Variants in SCP2 observed in about 807,000 individuals in gnomAD.
The protein encoded by SCP2 is sterol carrier protein 2.
In SCP2, 48 loss-of-function variants were observed where a neutral mutation model predicts 71.4. The ratio of observed to expected loss-of-function variants is 0.67; its 90% confidence interval spans 0.53 to 0.86. SCP2 has a LOEUF of 0.86. Ranked by LOEUF, SCP2 falls within the 40% of genes least tolerant of loss-of-function variation. SCP2 has a pLI of 0.00. For synonymous variants in SCP2, 220 were observed against 218.1 expected, an observed-to-expected ratio of 1.01 and a Z score of -0.08; for missense variants, 560 against 655.6, an observed-to-expected ratio of 0.85 and a Z score of 1.59.
chr1:53,039,182 A>T lies in SCP2; in HGVS notation c.1468+136A>T. On this transcript the variant is annotated intron_variant, in intron 14 of 15. Transcript: ENST00000371514. ...TTAAAGAACCAGTAAATTCCAGGGAACAGGAACAGGTCAAAGCCACCTCCT... is the reference window on the plus strand; with the variant it reads ...TTAAAGAACCAGTAAATTCCAGGGATCAGGAACAGGTCAAAGCCACCTCCT... The T allele has an allele frequency of 2.7e-6, 3 of 1,102,302 alleles. No individual in the cohort carries two copies. In the Admixed American group the frequency reaches 6.0e-5, roughly 22 times the overall value. 68.3% of individuals were successfully genotyped at this position (1,102,302 alleles called of 1,614,324 possible).
At chr1:52,989,672 A>C (rs1280685861) in intron 11 of SCP2, among the ~76,000 whole-genome samples, 1 of 152,202 alleles carries the variant, frequency 6.6e-6, no homozygotes, top group Non-Finnish European at 1.5e-5. Flanking sequence ...AAACTCACCC[A>C]GTGCAAAGAG....
intron 5 of SCP2, among the ~76,000 whole-genome samples, chr1:52,956,870 AAT>A (rs1216600097): frequency 6.6e-6 from 1 of 151,340 alleles, no homozygotes; most frequent in South Asian, 2.1e-4. Flanking sequence ...ATTAAAAAGA[AAT>A]ATATATAAAT....
chr1:53,007,009 C>T (rs559971047), intron 11 of SCP2, among the ~76,000 whole-genome samples: 7 of 152,080 alleles, frequency 4.6e-5, no homozygotes, highest in South Asian at 2.1e-4. Context: ...GACTTTAAAC[C>T]GACAAAGATC....
intron 12 of SCP2, among the ~76,000 whole-genome samples, chr1:53,023,086 T>C (rs1661865350): frequency 6.6e-6 from 1 of 152,220 alleles, no homozygotes; most frequent in Non-Finnish European, 1.5e-5. Flanking sequence ...TAAGTTGATA[T>C]ATTCAGTTTT....
intron 11 of SCP2, among the ~76,000 whole-genome samples, chr1:52,989,998 A>G (rs561413344): frequency 4.1e-4 from 63 of 152,340 alleles, no homozygotes; most frequent in Admixed American, 2.7e-3. Flanking sequence ...TGCCTGGCTG[A>G]GTACCACATT....
Position 52,987,789 on chromosome 1 carries a change from C to T in SCP2, c.974-240C>T, listed in dbSNP as rs140425026. On this transcript the variant is annotated intron_variant, in intron 10 of 15. Coordinates refer to ENST00000371514, the MANE Select transcript of SCP2 (RefSeq NM_002979.5). ...CTCTGAATCTCTACCATATTTAGAG[C>T]AATTTTGGAAGTCAGAGAGCTCTAA... Among the ~76,000 whole-genome samples, 66 of 152,226 alleles carry T rather than the reference C, an allele frequency of 4.3e-4. No homozygotes were observed. The East Asian group carries it at 0.012, about 27-fold the overall frequency.
At chr1:52,995,818 G>A (rs1659895587) in intron 11 of SCP2, 11 of 954,516 alleles carry the variant, frequency 1.2e-5, no homozygotes, top group South Asian at 1.1e-4. Context: ...CCATCCAGGA[G>A]CTCTTCAGGT....
chr1:52,947,145 G>C (rs1654879109), intron 2 of SCP2, among the ~76,000 whole-genome samples: 2 of 144,638 alleles, frequency 1.4e-5, no homozygotes, highest in Non-Finnish European at 3.0e-5. Flanking sequence ...ACTTTGGGAA[G>C]CCAAAGTGGG....
intron 11 of SCP2, among the ~76,000 whole-genome samples, chr1:52,998,209 T>C (rs1660064079): frequency 6.6e-6 from 1 of 152,242 alleles, no homozygotes; most frequent in Non-Finnish European, 1.5e-5. Flanking sequence ...TGAATGTTTG[T>C]ATACAAGTCT....
At chr1:52,973,502 A>G (rs946065174) in intron 6 of SCP2, among the ~76,000 whole-genome samples, 2 of 152,220 alleles carry the variant, frequency 1.3e-5, no homozygotes, top group African/African-American at 2.4e-5. Flanking sequence ...TCTAACAGTC[A>G]ATTCAGTCAC....
rs11808284 is a variant in SCP2, at chr1:53,038,739, G to A, written c.1339-178G>A. ...ATTTTTAATAAAAGACTTGGCAGAT[G>A]TGGGAGTTGTTGCCTGCTTGCCTTT... On this transcript the variant is annotated intron_variant, in intron 13 of 15. Coordinates refer to ENST00000371514, the MANE Select transcript of SCP2 (RefSeq NM_002979.5). Among the ~76,000 whole-genome samples the A allele has an allele frequency of 0.12, 17,716 of 152,180 alleles. 1,889 individuals carry two copies. The highest frequency in any genetic ancestry group is 0.29 in the African/African-American group (12,008 of 41,476).
chr1:52,941,236 CCTTT>C (rs1279869143), intron 1 of SCP2, among the ~76,000 whole-genome samples: 1 of 152,144 alleles, frequency 6.6e-6, no homozygotes, highest in Non-Finnish European at 1.5e-5. Context: ...CTCTGGGAAG[CCTTT>C]CTTTTCCTCC....
intron 11 of SCP2, among the ~76,000 whole-genome samples, chr1:52,992,325 T>G (rs1436575777): frequency 1.3e-5 from 2 of 152,130 alleles, no homozygotes; most frequent in South Asian, 4.1e-4. Flanking sequence ...AAGAAAATAA[T>G]GTATAAAAGT....
At chr1:53,020,874 C>T (rs920947366) in intron 12 of SCP2, among the ~76,000 whole-genome samples, 1 of 152,140 alleles carries the variant, frequency 6.6e-6, no homozygotes, top group Non-Finnish European at 1.5e-5. Flanking sequence ...ACTTGATATT[C>T]CCTGAAACTT....
Position 53,002,025 on chromosome 1 carries a change from A to G in SCP2, c.1082-12865A>G, listed in dbSNP as rs1660348313. 2.6e-5 allele frequency among the ~76,000 whole-genome samples: 4 copies of G among 152,088 alleles called. No individual in the cohort carries two copies. The South Asian group carries it at 8.3e-4, about 31-fold the overall frequency. ...TGGTGAAACCCCGTCTCTACTAAAAATTCAAAAAATTAGCTGGGTGTGGTG... is the reference window on the plus strand; with the variant it reads ...TGGTGAAACCCCGTCTCTACTAAAAGTTCAAAAAATTAGCTGGGTGTGGTG... On this transcript the variant is annotated intron_variant, in intron 11 of 15. Coordinates refer to ENST00000371514, the MANE Select transcript of SCP2 (RefSeq NM_002979.5).
intron 11 of SCP2, among the ~76,000 whole-genome samples, chr1:53,013,856 A>G (rs1661142322): frequency 2.7e-5 from 4 of 147,676 alleles, no homozygotes; most frequent in Admixed American, 2.7e-4. Flanking sequence ...GTAGACCTGC[A>G]GACCAGTCTG....
intron 11 of SCP2, among the ~76,000 whole-genome samples, chr1:52,990,733 CAAAAAAAAAAAA>C (rs61221989): frequency 8.0e-5 from 5 of 62,408 alleles, no homozygotes; most frequent in African/African-American, 1.0e-4. Flanking sequence ...GACTCCGTCT[CAAAAAAAAAAAA>C]AAAAAAAAAA....
intron 14 of SCP2, among the ~76,000 whole-genome samples, chr1:53,043,619 A>G (rs1663580645): frequency 6.6e-6 from 1 of 152,248 alleles, no homozygotes; most frequent in African/African-American, 2.4e-5. Context: ...TGACCCTTAT[A>G]GGATTGTTAT....
chr1:52,992,300 G>C (rs936858645), intron 11 of SCP2, among the ~76,000 whole-genome samples: 5 of 151,892 alleles, frequency 3.3e-5, no homozygotes, highest in African/African-American at 1.2e-4. Context: ...AAAAATATTT[G>C]TTAACTAGTT....
Sources: allele counts gnomAD v4.1 joint callset (sites outside exome capture counted in the v4.1 genomes callset), GRCh38; gene constraint gnomAD v4.1.1; transcripts MANE v1.5; gene names NCBI Gene and HGNC (gene_info 2026-07-23, HGNC 2026-07-21).